Variants in HPSE2 observed in about 807,000 individuals in gnomAD.
The protein encoded by HPSE2 is inactive heparanase-2.
In HPSE2, 38 loss-of-function variants were observed where a neutral mutation model predicts 60.5. The ratio of observed to expected loss-of-function variants is 0.63; its 90% CI spans 0.48 to 0.82. The LOEUF (loss-of-function observed/expected upper bound fraction) is 0.82. Ranked by LOEUF, HPSE2 falls within the 40% of genes least tolerant of loss-of-function variation. The pLI is 0.00. For missense variants in HPSE2, 713 were observed against 740.4 expected, an observed-to-expected ratio of 0.96 and a Z score of 0.43; for synonymous variants, 295 against 293.2, an observed-to-expected ratio of 1.01 and a Z score of -0.06.
chr10:99,018,180 T>C (rs912448830), intron 3 of HPSE2, among the ~76,000 whole-genome samples: 1 of 152,176 alleles, frequency 6.6e-6, no homozygotes, highest in Non-Finnish European at 1.5e-5. Context: ...CTCTAGCAGC[T>C]TAATCACTTC....
the HPSE2 span, among the ~76,000 whole-genome samples, chr10:99,305,967 G>GCACACA: frequency 4.8e-4 from 26 of 54,554 alleles, no homozygotes; most frequent in East Asian, 2.0e-3. Flanking sequence ...ACACACGCGC[G>GCACACA]CGCGCGCGCG....
At chr10:99,101,242 C>T (rs956024985) in intron 3 of HPSE2, among the ~76,000 whole-genome samples, 2 of 152,074 alleles carry the variant, frequency 1.3e-5, no homozygotes, top group African/African-American at 4.8e-5. Flanking sequence ...TTCAGGAAAC[C>T]CATCTCACAT....
chr10:98,774,046 G>A (rs142114414), intron 3 of HPSE2, among the ~76,000 whole-genome samples: 1 of 152,122 alleles, frequency 6.6e-6, no homozygotes, highest in African/African-American at 2.4e-5. Context: ...TATGGGTGAC[G>A]GAGTGACATC....
At chr10:98,500,788 CAAGAAAAG>C (rs2133708816) in intron 9 of HPSE2, among the ~76,000 whole-genome samples, 1 of 151,774 alleles carries the variant, frequency 6.6e-6, no homozygotes, top group East Asian at 1.9e-4. Context: ...CAAGAATAAC[CAAGAAAAG>C]AAGAAAAGAA....
At chr10:99,185,817 C>G (rs1190742669) in intron 2 of HPSE2, among the ~76,000 whole-genome samples, 1 of 150,986 alleles carries the variant, frequency 6.6e-6, no homozygotes, top group Non-Finnish European at 1.5e-5. Context: ...AGAGGTGGGG[C>G]AGGGAGGAAT....
At chr10:98,993,813 T>C (rs1483834157) in intron 3 of HPSE2, among the ~76,000 whole-genome samples, 5 of 152,204 alleles carry the variant, frequency 3.3e-5, no homozygotes, top group African/African-American at 1.2e-4. Flanking sequence ...CTCCTCACTC[T>C]ATATTAGTTG....
chr10:99,057,612 C>T (rs2135515258), intron 3 of HPSE2, among the ~76,000 whole-genome samples: 2 of 152,236 alleles, frequency 1.3e-5, no homozygotes, highest in South Asian at 4.1e-4. Context: ...GGGATAACTC[C>T]ACACTCAGTT....
chr10:98,754,026 A>G (rs1392573716), intron 3 of HPSE2, among the ~76,000 whole-genome samples: 1 of 152,206 alleles, frequency 6.6e-6, no homozygotes, highest in African/African-American at 2.4e-5. Flanking sequence ...GAAGTGAGAT[A>G]TAGAATTCAG....
At position 98,482,796 on chromosome 10, in the gene HPSE2, A is replaced by G; in HGVS notation, c.1467-14T>C. Reference sequence around the variant, plus strand: ...ACGTAGTTGTGGCTGAGATCCAGAGAAAGAGAGAAGTGAAAGATGGAAACA... The same window carrying G: ...ACGTAGTTGTGGCTGAGATCCAGAGGAAGAGAGAAGTGAAAGATGGAAACA... On this transcript the variant is annotated splice_polypyrimidine_tract_variant and intron_variant, in intron 10 of 11. Transcript: ENST00000370552. 6.2e-7 allele frequency: 1 copy of G among 1,614,042 alleles called. No homozygotes were observed. Among genetic ancestry groups the G allele is most frequent in the Non-Finnish European group, 8.5e-7 (1 of 1,179,902 alleles).
In HPSE2 at chr10:99,138,128, A is replaced by G. The variant is rs979268981; in HGVS notation, c.610+6110T>C. 2.4e-4 allele frequency among the ~76,000 whole-genome samples: 36 copies of G among 152,234 alleles called. 1 individual carries two copies. Among genetic ancestry groups the G allele is most frequent in the Non-Finnish European group, 1.2e-4 (8 of 68,050 alleles). ...AAGAAGACATTTATGCAGCTAACAG[A>G]CATATGAAAAAATGCTCATCATCAC... On this transcript the variant is annotated intron_variant, in intron 3 of 11. Transcript: ENST00000370552.
chr10:99,071,765 A>G (rs769001469), intron 3 of HPSE2, among the ~76,000 whole-genome samples: 6 of 152,186 alleles, frequency 3.9e-5, no homozygotes, highest in Non-Finnish European at 7.4e-5. Context: ...AAAGGGTCCA[A>G]TTTCATTGTT....
intron 9 of HPSE2, among the ~76,000 whole-genome samples, chr10:98,556,042 C>T (rs566140946): frequency 6.6e-6 from 1 of 152,238 alleles, no homozygotes; most frequent in Non-Finnish European, 1.5e-5. Context: ...AGTTGAAGAA[C>T]CCATATTAAA....
chr10:99,286,194 CA>C, the HPSE2 span, among the ~76,000 whole-genome samples: 238 of 152,110 alleles, frequency 1.6e-3, 1 homozygote, highest in African/African-American at 5.5e-3. Flanking sequence ...GTGGAATTAC[CA>C]ACAATATGAC....
intron 2 of HPSE2, among the ~76,000 whole-genome samples, chr10:99,216,323 T>C (rs957700431): frequency 1.3e-5 from 2 of 151,366 alleles, no homozygotes; most frequent in Non-Finnish European, 2.9e-5. Flanking sequence ...GCCTCCTGAG[T>C]AGCTTGGATT....
At chr10:99,054,371 G>T (rs1448915311) in intron 3 of HPSE2, among the ~76,000 whole-genome samples, 1 of 152,146 alleles carries the variant, frequency 6.6e-6, no homozygotes, top group Non-Finnish European at 1.5e-5. Context: ...AACACTGCTG[G>T]CATTCAGTTG....
the HPSE2 span, among the ~76,000 whole-genome samples, chr10:99,288,994 A>G: frequency 1.3e-5 from 2 of 152,176 alleles, no homozygotes; most frequent in Admixed American, 6.5e-5. Context: ...TAAAAATCTA[A>G]TATAATTAAA....
intron 9 of HPSE2, among the ~76,000 whole-genome samples, chr10:98,532,887 C>T (rs1943174474): frequency 6.6e-6 from 1 of 152,116 alleles, no homozygotes; most frequent in African/African-American, 2.4e-5. Context: ...TGCTTCTGGC[C>T]TTACTGATTT....
At chr10:98,609,608 C>T (rs773268105) in intron 9 of HPSE2, among the ~76,000 whole-genome samples, 1 of 152,126 alleles carries the variant, frequency 6.6e-6, no homozygotes, top group Non-Finnish European at 1.5e-5. Context: ...TGTATATATA[C>T]CAAATCAGAA....
intron 2 of HPSE2, among the ~76,000 whole-genome samples, chr10:99,187,299 G>T (rs1848064418): frequency 6.6e-6 from 1 of 152,042 alleles, no homozygotes; most frequent in Admixed American, 6.5e-5. Context: ...CTTATACTTT[G>T]CATGAAGCAG....
Sources: allele counts gnomAD v4.1 joint callset (sites outside exome capture counted in the v4.1 genomes callset), GRCh38; gene constraint gnomAD v4.1.1; transcripts MANE v1.5; gene names NCBI Gene and HGNC (gene_info 2026-07-23, HGNC 2026-07-21).